The following MAST4 variants were observed in gnomAD, a reference collection of about 807,000 sequenced individuals.
The protein encoded by MAST4 is microtubule associated serine/threonine kinase family member 4, also known as microtubule-associated serine/threonine-protein kinase 4.
MAST4 carries 89 observed loss-of-function variants against 162.7 expected under a neutral mutation model. The ratio of observed to expected loss-of-function variants is 0.55; its 90% CI spans 0.46 to 0.65. The LOEUF is 0.65. Ranked by LOEUF, MAST4 falls within the 30% of genes least tolerant of loss-of-function variation. The pLI, the probability that MAST4 is intolerant of heterozygous loss-of-function variation, is 0.00. For missense variants in MAST4, 3,153 were observed against 3,374.0 expected, an observed-to-expected ratio of 0.93 and a Z score of 1.62; for synonymous variants, 1,479 against 1,361.1, an observed-to-expected ratio of 1.09 and a Z score of -1.91.
chr5:66,735,025 A>G (rs1249199072), intron 1 of MAST4, among the ~76,000 whole-genome samples: 2 of 152,182 alleles, frequency 1.3e-5, no homozygotes, highest in Admixed American at 6.5e-5. Flanking sequence ...AGGAGATTTC[A>G]TTTTTATATT....
At chr5:66,862,516 T>C (rs1760192875) in intron 3 of MAST4, among the ~76,000 whole-genome samples, 2 of 152,336 alleles carry the variant, frequency 1.3e-5, no homozygotes, top group African/African-American at 4.8e-5. Context: ...AATCGATATG[T>C]AATGTTTTAA....
At chr5:66,846,367 A>G (rs1758855070) in intron 3 of MAST4, among the ~76,000 whole-genome samples, 2 of 152,290 alleles carry the variant, frequency 1.3e-5, no homozygotes, top group African/African-American at 4.8e-5. Flanking sequence ...CCACATATCC[A>G]TACTTCTCCA....
intron 1 of MAST4, among the ~76,000 whole-genome samples, chr5:66,649,469 T>G (rs2149445865): frequency 6.6e-6 from 1 of 152,306 alleles, no homozygotes; most frequent in South Asian, 2.1e-4. Context: ...TTCACAGCCA[T>G]CTGTGATGCC....
chr5:67,025,346 CA>C (rs1754512993), intron 4 of MAST4, among the ~76,000 whole-genome samples: 1 of 152,076 alleles, frequency 6.6e-6, no homozygotes, highest in Non-Finnish European at 1.5e-5. Flanking sequence ...ATATCTGCAA[CA>C]ACTGTTAATG....
At chr5:66,954,824 C>T (rs534491541) in intron 4 of MAST4, among the ~76,000 whole-genome samples, 3 of 151,258 alleles carry the variant, frequency 2.0e-5, no homozygotes, top group Admixed American at 2.0e-4. Context: ...TCGCTTGAAC[C>T]CTGGAGATGG....
chr5:67,017,194 A>G (rs1753405431), intron 4 of MAST4, among the ~76,000 whole-genome samples: 1 of 152,192 alleles, frequency 6.6e-6, no homozygotes, highest in Non-Finnish European at 1.5e-5. Context: ...GGACACAAAT[A>G]TTGTGTCCAG....
At chr5:66,832,610 A>G (rs1757690768) in intron 3 of MAST4, among the ~76,000 whole-genome samples, 1 of 152,178 alleles carries the variant, frequency 6.6e-6, no homozygotes, top group Non-Finnish European at 1.5e-5. Flanking sequence ...TGGTGCATGA[A>G]TGTATATTCA....
intron 4 of MAST4, among the ~76,000 whole-genome samples, chr5:67,044,268 C>T (rs2150504220): frequency 6.6e-6 from 1 of 152,268 alleles, no homozygotes; most frequent in South Asian, 2.1e-4. Context: ...CAAAAGCCAT[C>T]TCCGTCATTG....
intron 3 of MAST4, among the ~76,000 whole-genome samples, chr5:66,841,743 T>G (rs2149788937): frequency 6.6e-6 from 1 of 152,204 alleles, no homozygotes; most frequent in African/African-American, 2.4e-5. Context: ...CATATGAACT[T>G]TGGGGAGGGG....
intron 1 of MAST4, among the ~76,000 whole-genome samples, chr5:66,656,991 A>G (rs1343452148): frequency 2.0e-5 from 3 of 152,186 alleles, no homozygotes; most frequent in Non-Finnish European, 4.4e-5. Flanking sequence ...TTTGCCCAGT[A>G]GTATCAAATC....
intron 5 of MAST4, among the ~76,000 whole-genome samples, chr5:67,077,168 G>A (rs563833293): frequency 6.6e-6 from 1 of 152,162 alleles, no homozygotes; most frequent in Admixed American, 6.5e-5. Flanking sequence ...TAATGGTAGA[G>A]AACAACTTAA....
Position 67,164,344 on chromosome 5 carries a change from C to T in MAST4, c.5165C>T (p.Pro1722Leu). 1 of 1,613,948 alleles carries T rather than the reference C, an allele frequency of 6.2e-7. No individual in the cohort carries two copies. The highest frequency in any genetic ancestry group is 8.5e-7 in the Non-Finnish European group (1 of 1,179,860). Residue 1722 changes from proline (P) to leucine (L), a missense_variant, in exon 29 of 29, where the codon CCA becomes CTA. Physicochemically the swap from Pro to Leu is moderately conservative, Grantham distance 98 (BLOSUM62 -3). Transcript: ENST00000403625. This position sits in a 1 kb window ranked among gnomAD's most constrained non-coding sequence, Gnocchi z 5.3. ...TCCCACGAATGCCTGCCAGGGAACC[C>T]AGTCCGACCCACGGGTGGGCAGCAG... is the stretch of plus-strand genomic sequence containing the variant. ...AGSHECLPGNPVRPTGGQQEP... is the reference protein window; with the variant it reads ...AGSHECLPGNLVRPTGGQQEP...
intron 1 of MAST4, among the ~76,000 whole-genome samples, chr5:66,636,307 C>A (rs1388379576): frequency 4.6e-5 from 7 of 152,072 alleles, no homozygotes; most frequent in African/African-American, 1.7e-4. Flanking sequence ...GATGCTTAGC[C>A]CAAGCAGCAG....
intron 26 of MAST4, among the ~76,000 whole-genome samples, chr5:67,156,819 G>C (rs1772597008): frequency 2.0e-5 from 3 of 152,212 alleles, no homozygotes. Context: ...AAATGCAAAA[G>C]CAGTCGTTCG....
intron 1 of MAST4, among the ~76,000 whole-genome samples, chr5:66,635,946 GTTTTTTTTT>G (rs530576186): frequency 1.7e-4 from 7 of 41,276 alleles, no homozygotes; most frequent in African/African-American, 5.7e-4. Flanking sequence ...GATAGAGACT[GTTTTTTTTT>G]TTTTTTTTTT....
intron 4 of MAST4, among the ~76,000 whole-genome samples, chr5:66,917,777 G>C (rs1182276935): frequency 3.9e-5 from 6 of 152,008 alleles, no homozygotes; most frequent in Non-Finnish European, 7.4e-5. Flanking sequence ...ACACCATTCT[G>C]TTTTGAATAC....
intron 3 of MAST4, among the ~76,000 whole-genome samples, chr5:66,845,309 C>T (rs541080268): frequency 7.9e-5 from 12 of 151,634 alleles, no homozygotes; most frequent in East Asian, 2.0e-4. Context: ...TGATGTTCCC[C>T]GCCCTGTGTC....
Position 67,163,048 on chromosome 5 carries a change from G to C in MAST4, c.3968-99G>C, listed in dbSNP as rs985812407. ...TAGCTAAATGCTGAGACAATTTGCT[G>C]ATCTTACCTGGCCTTACCTAATACA... On this transcript the variant is annotated intron_variant, in intron 28 of 28. Transcript: ENST00000403625. The surrounding 1 kb of genome is among the most constrained non-coding windows in gnomAD (Gnocchi z 7.0). The C allele has an allele frequency of 2.1e-5, 28 of 1,350,612 alleles. No individual in the cohort carries two copies. In the East Asian group the frequency reaches 6.5e-4, roughly 31 times the overall value. 83.7% of individuals were successfully genotyped at this position (1,350,612 alleles called of 1,614,324 possible).
chr5:67,079,310 CAG>C (rs1291451777), intron 5 of MAST4, among the ~76,000 whole-genome samples: 2 of 151,932 alleles, frequency 1.3e-5, no homozygotes, highest in Non-Finnish European at 2.9e-5. Flanking sequence ...TGGGCTAACA[CAG>C]AAAGTTATAG....
Sources: gnomAD v4.1 joint callset for allele counts (sites outside exome capture counted in the v4.1 genomes callset) on GRCh38, gnomAD v4.1.1 for gene constraint, Gnocchi (gnomAD v3.1) non-coding constraint, MANE v1.5 for transcripts, NCBI Gene and HGNC (gene_info 2026-07-23, HGNC 2026-07-21) for gene names.